THADA: variants seen among roughly 807,000 people sequenced by gnomAD.
THADA encodes THADA armadillo repeat containing.
THADA carries 213 observed loss-of-function variants against 219.8 expected under a neutral mutation model. That is an observed-to-expected ratio of 0.97 (90% CI 0.87 to 1.09). The LOEUF (loss-of-function observed/expected upper bound fraction) is 1.09. Ranked by LOEUF, THADA falls within the 50% of genes least tolerant of loss-of-function variation. THADA has a pLI of 0.00. For synonymous variants in THADA, 1,018 were observed against 828.9 expected (o/e 1.23, Z -3.92); for missense variants, 2,956 against 2,311.3 (o/e 1.28, Z -5.72).
intron 11 of THADA, among the ~76,000 whole-genome samples, chr2:43,573,340 G>A (rs762582027): frequency 6.6e-6 from 1 of 152,152 alleles, no homozygotes; most frequent in Non-Finnish European, 1.5e-5. Flanking sequence ...AGTGGCTACA[G>A]ACTATTACTT....
chr2:43,468,775 G>C (rs1000232031), intron 26 of THADA, among the ~76,000 whole-genome samples: 3 of 152,290 alleles, frequency 2.0e-5, no homozygotes, highest in African/African-American at 7.2e-5. Context: ...ACATCAGGAA[G>C]GGTCCTAAGG....
chr2:43,399,920 G>C (rs1013735278), intron 28 of THADA, among the ~76,000 whole-genome samples: 1 of 152,122 alleles, frequency 6.6e-6, no homozygotes, highest in Non-Finnish European at 1.5e-5. Flanking sequence ...AAAATGTTTT[G>C]AAATTTAATT....
At position 43,360,556 on chromosome 2, in the gene THADA, G is replaced by A. The variant is rs555891747; in HGVS notation, c.4228-16319C>T. Among the ~76,000 whole-genome samples, 5 of 152,268 alleles carry A rather than the reference G, an allele frequency of 3.3e-5. No individual in the cohort carries two copies. In the East Asian group the frequency reaches 9.6e-4, roughly 29 times the overall value. The stretch of plus-strand genomic sequence containing the variant: ...TCATCTTTCCCCAAGCTCATCTTGA[G>A]GAAACTAATAATCTTCCTTCTAAAC... On this transcript the variant is annotated intron_variant, in intron 29 of 37. Coordinates refer to ENST00000405975, the MANE Select transcript of THADA (RefSeq NM_022065.5).
At chr2:43,359,613 G>C (rs919058474) in intron 29 of THADA, among the ~76,000 whole-genome samples, 1 of 152,188 alleles carries the variant, frequency 6.6e-6, no homozygotes, top group Non-Finnish European at 1.5e-5. Flanking sequence ...CTGGGAGGCG[G>C]AGGTTGCAGT....
chr2:43,521,147 G>GAGGGAAGGA (rs1189452583), intron 22 of THADA, among the ~76,000 whole-genome samples: 3 of 131,652 alleles, frequency 2.3e-5, no homozygotes, highest in East Asian at 2.5e-4. Flanking sequence ...GTAGGGAAGG[G>GAGGGAAGGA]AGGGAAGGAA....
At chr2:43,470,018 A>G (rs887256048) in intron 26 of THADA, among the ~76,000 whole-genome samples, 5 of 151,940 alleles carry the variant, frequency 3.3e-5, no homozygotes, top group African/African-American at 1.2e-4. Flanking sequence ...TGAGGCCAGC[A>G]TGGGCAACAT....
At chr2:43,265,442 C>T (rs553466402) in intron 36 of THADA, among the ~76,000 whole-genome samples, 15 of 152,332 alleles carry the variant, frequency 9.8e-5, no homozygotes, top group African/African-American at 3.1e-4. Flanking sequence ...GCTTTAAGAG[C>T]GTTCCCTTGC....
chr2:43,397,958 C>T lies in THADA; in HGVS notation c.4227+13G>A, dbSNP rs1012751347. On this transcript the variant is annotated intron_variant, in intron 29 of 37. Transcript: ENST00000405975. ...GGTGTTTGACAGAAGTCACACAAAG[C>T]AACTTTACTTACCTGGAGAAGTGTC... 1.9e-6 allele frequency: 3 copies of T among 1,613,308 alleles called. No individual in the cohort carries two copies. Among genetic ancestry groups the T allele is most frequent in the African/African-American group, 1.3e-5 (1 of 75,050 alleles).
chr2:43,303,766 G>A (rs1676526511), intron 31 of THADA, among the ~76,000 whole-genome samples: 1 of 150,996 alleles, frequency 6.6e-6, no homozygotes, highest in African/African-American at 2.4e-5. Flanking sequence ...ATTAGAGAGG[G>A]CAGTTTCCCC....
chr2:43,541,566 T>C (rs939406721), intron 20 of THADA, among the ~76,000 whole-genome samples: 5 of 152,028 alleles, frequency 3.3e-5, no homozygotes, highest in African/African-American at 7.3e-5. Context: ...TGGGGTGCAG[T>C]AGCATGCTCA....
At chr2:43,261,439 T>G (rs1440094922) in intron 36 of THADA, among the ~76,000 whole-genome samples, 1 of 150,838 alleles carries the variant, frequency 6.6e-6, no homozygotes, top group Non-Finnish European at 1.5e-5. Context: ...GCCTGGTTTG[T>G]GCTTTTTTTT....
At chr2:43,335,957 T>C (rs1363312519) in intron 30 of THADA, among the ~76,000 whole-genome samples, 3 of 151,470 alleles carry the variant, frequency 2.0e-5, no homozygotes, top group Non-Finnish European at 4.4e-5. Flanking sequence ...CTTAGCCGGG[T>C]GTGGTGGCGG....
intron 26 of THADA, chr2:43,430,786 G>A (rs1452153621): frequency 2.7e-5 from 8 of 296,052 alleles, no homozygotes; most frequent in Non-Finnish European, 5.0e-5. Context: ...AGCCTCCGTG[G>A]CTTCTACCCA....
At chr2:43,535,099 G>A (rs973826151) in intron 21 of THADA, among the ~76,000 whole-genome samples, 2 of 143,326 alleles carry the variant, frequency 1.4e-5, no homozygotes, top group African/African-American at 2.6e-5. Flanking sequence ...GATTTGTGAT[G>A]TTGAACATTT....
intron 7 of THADA, among the ~76,000 whole-genome samples, chr2:43,584,558 T>A (rs1700809062): frequency 6.6e-6 from 1 of 152,164 alleles, no homozygotes; most frequent in Non-Finnish European, 1.5e-5. Context: ...TCCCAGAACC[T>A]CCTCAAACCA....
At chr2:43,347,625 T>C (rs151235964) in intron 29 of THADA, among the ~76,000 whole-genome samples, 7 of 152,310 alleles carry the variant, frequency 4.6e-5, no homozygotes, top group Admixed American at 2.6e-4. Flanking sequence ...AAGATATTCA[T>C]AGTAGGAGAA....
chr2:43,456,006 T>C (rs1682951244), intron 26 of THADA, among the ~76,000 whole-genome samples: 1 of 152,208 alleles, frequency 6.6e-6, no homozygotes, highest in South Asian at 2.1e-4. Flanking sequence ...ACTGCTCGAT[T>C]GCCAAAAGAC....
At chr2:43,369,440 C>T (rs1454721062) in intron 29 of THADA, among the ~76,000 whole-genome samples, 1 of 152,214 alleles carries the variant, frequency 6.6e-6, no homozygotes, top group Non-Finnish European at 1.5e-5. Flanking sequence ...TACTTTGTGA[C>T]ATATAATATC....
intron 25 of THADA, among the ~76,000 whole-genome samples, chr2:43,496,865 T>C (rs550671948): frequency 6.6e-6 from 1 of 152,160 alleles, no homozygotes; most frequent in Non-Finnish European, 1.5e-5. Flanking sequence ...TGCAGCATTA[T>C]TCATAATAGC....
Sources: gnomAD v4.1 joint callset for allele counts (sites outside exome capture counted in the v4.1 genomes callset) on GRCh38, gnomAD v4.1.1 for gene constraint, MANE v1.5 for transcripts, NCBI Gene and HGNC (gene_info 2026-07-23, HGNC 2026-07-21) for gene names.